Variants in RAB19 observed in about 807,000 individuals in gnomAD.
The protein encoded by RAB19 is ras-related protein Rab-19.
Under a neutral mutation model 17.3 loss-of-function variants are expected in RAB19, and 21 were observed. The ratio of observed to expected loss-of-function variants is 1.21; its 90% CI spans 0.86 to 1.74. The LOEUF is 1.74. RAB19 is among the 40% of genes most tolerant of loss of function. RAB19 has a pLI of 0.00. For missense variants in RAB19, 277 were observed against 286.8 expected, an observed-to-expected ratio of 0.97 and a Z score of 0.25; for synonymous variants, 126 against 110.4, an observed-to-expected ratio of 1.14 and a Z score of -0.88.
At chr7:140,409,683 G>A (rs938272742) in intron 2 of RAB19, among the ~76,000 whole-genome samples, 20 of 151,630 alleles carry the variant, frequency 1.3e-4, no homozygotes, top group African/African-American at 4.9e-4. Flanking sequence ...GGGAGTCAGA[G>A]CAAGACTCTG....
At position 140,411,974 on chromosome 7, in the gene RAB19, G is replaced by A. The variant is rs1554441478; in HGVS notation, c.302G>A (p.Arg101Gln). ...HAAIIAYDLT[R>Q]RSTFESIPHW... ...GCCATCATCGCCTATGACCTCACCC[G>A]GCGGTCCACGTTCGAGTCCATCCCT... Residue 101 changes from arginine to glutamine, a missense_variant, in exon 3 of 4, where the codon CGG becomes CAG. Arg to Gln is a conservative substitution (Grantham distance 43, BLOSUM62 1). Transcript: ENST00000537763. 38 of 1,614,116 alleles carry A rather than the reference G, an allele frequency of 2.4e-5. No individual in the cohort carries two copies. The highest frequency in any genetic ancestry group is 1.6e-4 in the Middle Eastern group (1 of 6,062).
At chr7:140,421,359 GTTGTT>G (rs971756097) in intron 3 of RAB19, among the ~76,000 whole-genome samples, 11 of 151,408 alleles carry the variant, frequency 7.3e-5, no homozygotes, top group African/African-American at 2.7e-4. Flanking sequence ...GTCCAGTTAG[GTTGTT>G]TTGTTTTGTT....
chr7:140,426,263 G>T lies in RAB19; in HGVS notation c.*113G>T, dbSNP rs112566891. On this transcript the variant is annotated 3_prime_UTR_variant, in exon 4 of 4. Transcript: ENST00000537763. ...CTTTAGACCCCAGCGTGGACTTGCC[G>T]CTCACCCCTAATCCTCCCAGTCTGG... The T allele has an allele frequency of 1.4e-4, 175 of 1,247,668 alleles. No individual in the cohort carries two copies. The highest frequency in any genetic ancestry group is 4.2e-4 in the Admixed American group (16 of 38,140). 77.3% of individuals were successfully genotyped at this position (1,247,668 alleles called of 1,614,324 possible).
At chr7:140,422,771 A>G (rs1349549276) in intron 3 of RAB19, among the ~76,000 whole-genome samples, 11 of 152,054 alleles carry the variant, frequency 7.2e-5, no homozygotes, top group African/African-American at 2.4e-4. Context: ...ATGCTACTGC[A>G]CTCCAGCCCA....
At chr7:140,422,836 C>A (rs1427748447) in intron 3 of RAB19, among the ~76,000 whole-genome samples, 1 of 151,974 alleles carries the variant, frequency 6.6e-6, no homozygotes, top group Non-Finnish European at 1.5e-5. Flanking sequence ...GGCCAGGCAC[C>A]GTGGCTCACA....
intron 2 of RAB19, 49 bp downstream of exon 2, chr7:140,407,896 T>A (rs1428510532): frequency 8.0e-7 from 1 of 1,257,456 alleles, no homozygotes; most frequent in Non-Finnish European, 1.1e-6. Context: ...TTTTTTTTTT[T>A]TTTTTTTTTT....
intron 1 of RAB19, among the ~76,000 whole-genome samples, chr7:140,406,776 G>A (rs185331546): frequency 6.6e-6 from 1 of 152,080 alleles, no homozygotes; most frequent in East Asian, 1.9e-4. Context: ...AAAAAATTAG[G>A]CTCCAAACAG....
intron 3 of RAB19, among the ~76,000 whole-genome samples, chr7:140,413,730 G>T (rs1017921097): frequency 6.6e-6 from 1 of 151,984 alleles, no homozygotes; most frequent in Non-Finnish European, 1.5e-5. Context: ...AATAATAAAA[G>T]GCAACTGTTA....
chr7:140,407,890 T>C, intron 2 of RAB19, 43 bp downstream of exon 2: 1 of 1,005,970 alleles, frequency 9.9e-7, no homozygotes. Flanking sequence ...CTTTTTTTTT[T>C]TTTTTTTTTT....
Position 140,406,049 on chromosome 7 carries a change from C to G in RAB19, c.-23-1575C>G, listed in dbSNP as rs546822141. ...CCTGAGGTCAAGAGTTCCTAACCAG[C>G]CTGGCCAACATGGCAAAACCCTGTA... On this transcript the variant is annotated intron_variant, in intron 1 of 3. Transcript: ENST00000537763. Among the ~76,000 whole-genome samples, 17 of 152,012 alleles carry G rather than the reference C, an allele frequency of 1.1e-4. 2 individuals are homozygous for G. Among genetic ancestry groups the G allele is most frequent in the African/African-American group, 4.1e-4 (17 of 41,500 alleles).
intron 3 of RAB19, among the ~76,000 whole-genome samples, chr7:140,418,396 CAAAAAAAA>C (rs140238398): frequency 4.3e-5 from 3 of 70,372 alleles, no homozygotes; most frequent in Admixed American, 1.8e-4. Flanking sequence ...TGCTAAAATA[CAAAAAAAA>C]AAAAAAAAAA....
At chr7:140,409,287 C>T (rs1799306176) in intron 2 of RAB19, among the ~76,000 whole-genome samples, 1 of 151,986 alleles carries the variant, frequency 6.6e-6, no homozygotes, top group Non-Finnish European at 1.5e-5. Flanking sequence ...TCTCTCAAAC[C>T]TGGGAGGCAG....
chr7:140,417,096 TGTG>T (rs1799472469), intron 3 of RAB19, among the ~76,000 whole-genome samples: 1 of 146,296 alleles, frequency 6.8e-6, no homozygotes, highest in African/African-American at 2.5e-5. Context: ...ATCAGCCAGG[TGTG>T]GTGGTGAGTG....
rs199573586 is a variant in RAB19, at chr7:140,415,061, TTTTTCTTTTC to T, written c.385+3019_385+3028del. Among the ~76,000 whole-genome samples the T allele has an allele frequency of 5.4e-3, 817 of 151,848 alleles. 5 individuals carry two copies. Among genetic ancestry groups the T allele is most frequent in the African/African-American group, 0.018 (751 of 41,408 alleles). On this transcript the variant is annotated intron_variant, in intron 3 of 3. Transcript: ENST00000537763. ...CACTCCATCAGACCTGACCTCTTTT[TTTTTCTTTTC>T]TTTTCTTTTCTTTTTTTTTTTGAGA...
At chr7:140,411,853 C>A (rs1018448290) in intron 2 of RAB19, 21 bp from the exon 3 acceptor site, 1 of 1,614,104 alleles carries the variant, frequency 6.2e-7, no homozygotes, top group Admixed American at 1.7e-5. Context: ...GATTTGGACT[C>A]TCCTTCCTGT....
At position 140,426,103 on chromosome 7, in the gene RAB19, G is replaced by T. The variant is rs144754394; in HGVS notation, c.607G>T (p.Val203Phe). Residue 203 changes from valine (V) to phenylalanine (F), a missense_variant, in exon 4 of 4, where the codon GTT becomes TTT. By Grantham distance (50) the Val-to-Phe change is conservative. Coordinates refer to ENST00000537763, the MANE Select transcript of RAB19 (RefSeq NM_001008749.3). ...LNGLPLDSSP[V>F]LMAQGPSEKT... ...CGGCCTCCCCCTGGACTCCAGCCCC[G>T]TTCTTATGGCCCAGGGTCCAAGTGA... is the stretch of plus-strand genomic sequence containing the variant. 1 of 1,614,114 alleles carries T rather than the reference G, an allele frequency of 6.2e-7. No individual in the cohort carries two copies. Among genetic ancestry groups the T allele is most frequent in the Non-Finnish European group, 8.5e-7 (1 of 1,180,014 alleles).
intron 1 of RAB19, among the ~76,000 whole-genome samples, chr7:140,406,744 C>G (rs976617056): frequency 4.6e-5 from 7 of 151,578 alleles, no homozygotes. Flanking sequence ...TGAATATTCT[C>G]AAAATCCTAA....
In RAB19 at chr7:140,413,456, C is replaced by T. The variant is rs57401854; in HGVS notation, c.385+1399C>T. On this transcript the variant is annotated intron_variant, in intron 3 of 3. Coordinates refer to ENST00000537763, the MANE Select transcript of RAB19 (RefSeq NM_001008749.3). ...AGGCACGGTGGTTCATGCCTGTAAT[C>T]CCAGCACTTTGGGAAGCTGAGGCGG... Among the ~76,000 whole-genome samples the T allele has an allele frequency of 8.0e-3, 1,225 of 152,176 alleles. 62 individuals carry two copies. The East Asian group carries it at 0.16, about 20-fold the overall frequency.
chr7:140,409,257 G>C (rs372435914), intron 2 of RAB19, among the ~76,000 whole-genome samples: 1 of 151,730 alleles, frequency 6.6e-6, no homozygotes, highest in Non-Finnish European at 1.5e-5. Context: ...CCAGTTACTT[G>C]GGAGGCTGAG....
Sources: allele counts gnomAD v4.1 joint callset (sites outside exome capture counted in the v4.1 genomes callset), GRCh38; gene constraint gnomAD v4.1.1; transcripts MANE v1.5; gene names NCBI Gene and HGNC (gene_info 2026-07-23, HGNC 2026-07-21).